Variants in KLF12 observed in about 807,000 individuals in gnomAD.
The protein encoded by KLF12 is KLF transcription factor 12.
Under a neutral mutation model 37.8 loss-of-function variants are expected in KLF12, and 9 were observed. The ratio of observed to expected loss-of-function variants is 0.24; its 90% CI spans 0.14 to 0.42. The LOEUF is 0.42. Ranked by LOEUF, KLF12 falls within the 10% of genes least tolerant of loss-of-function variation. KLF12 has a pLI of 1.00. For missense variants in KLF12, 411 were observed against 516.0 expected (o/e 0.80, Z 1.97); for synonymous variants, 208 against 202.1 (o/e 1.03, Z -0.25).
chr13:74,071,620 G>A (rs1219112033), intron 1 of KLF12, among the ~76,000 whole-genome samples: 1 of 152,210 alleles, frequency 6.6e-6, no homozygotes, highest in African/African-American at 2.4e-5. Context: ...GTGAACTCGG[G>A]AGGCGGAGCT....
chr13:73,961,010 A>C (rs1480260555), intron 2 of KLF12, among the ~76,000 whole-genome samples: 3 of 152,108 alleles, frequency 2.0e-5, no homozygotes, highest in African/African-American at 7.2e-5. Flanking sequence ...GATCTTACTC[A>C]TAGGAGAAAT....
the KLF12 span, among the ~76,000 whole-genome samples, chr13:74,256,688 T>TTGTGTGTGTGTGTG: frequency 0.015 from 2,243 of 147,992 alleles, 28 homozygotes; most frequent in Middle Eastern, 0.021. Context: ...TGAGTAGAGC[T>TTGTGTGTGTGTGTG]TGTGTGTGTG....
chr13:74,218,699 CT>C, the KLF12 span, among the ~76,000 whole-genome samples: 7 of 152,164 alleles, frequency 4.6e-5, no homozygotes, highest in African/African-American at 1.4e-4. Flanking sequence ...TCAGGGTAGG[CT>C]TCATTAACAC....
chr13:74,163,619 T>C, the KLF12 span, among the ~76,000 whole-genome samples: 5 of 151,972 alleles, frequency 3.3e-5, no homozygotes, highest in East Asian at 5.8e-4. Context: ...GGTTAATGGG[T>C]ACAAAAAATG....
At chr13:74,094,244 C>T (rs1875847032) in intron 1 of KLF12, among the ~76,000 whole-genome samples, 1 of 152,012 alleles carries the variant, frequency 6.6e-6, no homozygotes, top group East Asian at 1.9e-4. Flanking sequence ...CCCTTGGTGG[C>T]CGAGAAAGCA....
At chr13:74,006,555 T>C (rs184459212) in intron 1 of KLF12, among the ~76,000 whole-genome samples, 4 of 152,326 alleles carry the variant, frequency 2.6e-5, no homozygotes, top group South Asian at 4.2e-4. Flanking sequence ...ACGACAGCCA[T>C]GGAGATTTAC....
the KLF12 span, among the ~76,000 whole-genome samples, chr13:74,205,563 C>T: frequency 6.6e-6 from 1 of 152,170 alleles, no homozygotes; most frequent in African/African-American, 2.4e-5. Flanking sequence ...CAAACACAAT[C>T]TTGGATTTGT....
chr13:74,072,190 T>C (rs1458464801), intron 1 of KLF12, among the ~76,000 whole-genome samples: 1 of 151,724 alleles, frequency 6.6e-6, no homozygotes, highest in Non-Finnish European at 1.5e-5. Context: ...ACTCAAGTGA[T>C]TATATATTAT....
intron 3 of KLF12, among the ~76,000 whole-genome samples, chr13:73,917,641 T>C (rs1888909600): frequency 6.6e-6 from 1 of 152,226 alleles, no homozygotes; most frequent in Non-Finnish European, 1.5e-5. Context: ...ATAGTAATAG[T>C]TAACCTCATA....
At chr13:74,177,044 C>T in the KLF12 span, among the ~76,000 whole-genome samples, 1 of 152,162 alleles carries the variant, frequency 6.6e-6, no homozygotes, top group Non-Finnish European at 1.5e-5. Flanking sequence ...AAAGAATCTT[C>T]CTTGATCTTC....
At chr13:74,301,435 C>T in the KLF12 span, among the ~76,000 whole-genome samples, 76 of 152,240 alleles carry the variant, frequency 5.0e-4, no homozygotes, top group Admixed American at 3.6e-3. Flanking sequence ...CATGTGCTGT[C>T]ATATCTTCAG....
intron 5 of KLF12, among the ~76,000 whole-genome samples, chr13:73,785,609 A>ATT (rs537464774): frequency 1.2e-3 from 172 of 143,764 alleles, no homozygotes; most frequent in African/African-American, 4.0e-3. Flanking sequence ...ATCTCTGCCC[A>ATT]TTTTTTTTTT....
chr13:73,746,221 A>G (rs1878361952), intron 6 of KLF12, among the ~76,000 whole-genome samples: 1 of 152,242 alleles, frequency 6.6e-6, no homozygotes, highest in Non-Finnish European at 1.5e-5. Context: ...AAAGCAATAG[A>G]TATCGATGTA....
At chr13:73,825,898 A>G (rs1359017334) in intron 4 of KLF12, among the ~76,000 whole-genome samples, 1 of 152,186 alleles carries the variant, frequency 6.6e-6, no homozygotes, top group East Asian at 1.9e-4. Flanking sequence ...TCTGCTAATA[A>G]GAGAGTAGCT....
chr13:73,830,325 T>C (rs1056983711), intron 4 of KLF12, among the ~76,000 whole-genome samples: 2 of 152,208 alleles, frequency 1.3e-5, no homozygotes, highest in African/African-American at 2.4e-5. Context: ...GCAAGATCTT[T>C]CACTCTTTGA....
the KLF12 span, among the ~76,000 whole-genome samples, chr13:74,254,071 C>G: frequency 1.3e-5 from 2 of 152,112 alleles, no homozygotes; most frequent in African/African-American, 4.8e-5. Context: ...CTTGAATTAT[C>G]TTTTAATTAT....
intron 2 of KLF12, among the ~76,000 whole-genome samples, chr13:73,945,639 A>T (rs1297935139): frequency 8.9e-6 from 1 of 111,732 alleles, no homozygotes; most frequent in Non-Finnish European, 1.9e-5. Context: ...AGAGCCTCCA[A>T]GGAATCAACA....
intron 3 of KLF12, among the ~76,000 whole-genome samples, chr13:73,886,919 G>A (rs1288618948): frequency 6.6e-6 from 1 of 151,458 alleles, no homozygotes; most frequent in African/African-American, 2.4e-5. Flanking sequence ...TTGGACCCGG[G>A]AGGCGGAGGT....
At chr13:73,856,804 C>A (rs1004464042) in intron 3 of KLF12, among the ~76,000 whole-genome samples, 4 of 151,992 alleles carry the variant, frequency 2.6e-5, no homozygotes, top group Admixed American at 2.6e-4. Flanking sequence ...GCCTCGTCAA[C>A]ATGGTGAAAC....
Sources: allele counts gnomAD v4.1 joint callset (sites outside exome capture counted in the v4.1 genomes callset), GRCh38; gene constraint gnomAD v4.1.1; transcripts MANE v1.5; gene names NCBI Gene and HGNC (gene_info 2026-07-23, HGNC 2026-07-21).